Variants in TNNT2 observed in about 807,000 individuals in gnomAD.
TNNT2 encodes troponin T2, cardiac type.
In TNNT2, 34 loss-of-function variants were observed where a neutral mutation model predicts 62.4. The ratio of observed to expected loss-of-function variants is 0.54; its 90% CI spans 0.41 to 0.72. The LOEUF (loss-of-function observed/expected upper bound fraction) is 0.72, where lower values mean the gene tolerates loss of function less well. TNNT2 is among the 30% of genes least tolerant of loss of function. The pLI, the probability that TNNT2 is intolerant of heterozygous loss-of-function variation, is 0.00. For synonymous variants in TNNT2, 123 were observed against 127.2 expected (o/e 0.97, Z 0.22); for missense variants, 275 against 381.9 (o/e 0.72, Z 2.33).
At chr1:201,366,142 C>A in intron 8 of TNNT2, 1 of 1,076,164 alleles carries the variant, frequency 9.3e-7, no homozygotes, top group East Asian at 7.0e-5. Flanking sequence ...TTCATGTCCC[C>A]ATCTGCCCTC....
intron 10 of TNNT2, among the ~76,000 whole-genome samples, chr1:201,364,874 G>A (rs1208812354): frequency 2.6e-5 from 4 of 152,180 alleles, no homozygotes; most frequent in East Asian, 3.9e-4. Flanking sequence ...AAGGGCAGGG[G>A]TGGCGCAGCA....
Position 201,365,320 on chromosome 1 carries a change from C to T in TNNT2, c.295-13G>A, listed in dbSNP as rs764804961. On this transcript the variant is annotated splice_polypyrimidine_tract_variant and intron_variant, in intron 9 of 16. Transcript: ENST00000656932. ...TCCGGTGGATGTCCTGTGGGTGGAC[C>T]GCTGCGGCTCAGAGGCTGCCACTCC... The T allele has an allele frequency of 1.6e-5, 25 of 1,608,232 alleles. No homozygotes were observed. Among genetic ancestry groups the T allele is most frequent in the Middle Eastern group, 3.3e-4 (2 of 6,052 alleles).
chr1:201,359,830 G>C (rs182467876), intron 15 of TNNT2, among the ~76,000 whole-genome samples, 167 bp from the exon 16 acceptor site: 2 of 152,136 alleles, frequency 1.3e-5, no homozygotes, highest in Non-Finnish European at 1.5e-5. Context: ...GGAGGGGCCC[G>C]TGTACCACAG....
chr1:201,365,521 C>A lies in TNNT2; in HGVS notation c.294+89G>T. 6 of 1,466,630 alleles carry A rather than the reference C, an allele frequency of 4.1e-6. No individual in the cohort carries two copies. The South Asian group carries it at 6.9e-5, about 17-fold the overall frequency. 90.9% of individuals were successfully genotyped at this position (1,466,630 alleles called of 1,614,324 possible). ...TGCACCCCATCCCACCTATGCTCTA[C>A]CCCAGCCCAAGGTCACAAAATCTCT... is the stretch of plus-strand genomic sequence containing the variant. On this transcript the variant is annotated intron_variant, in intron 9 of 16. Transcript: ENST00000656932.
At chr1:201,372,945 G>A (rs1295689865) in intron 2 of TNNT2, 8 of 625,826 alleles carry the variant, frequency 1.3e-5, no homozygotes, top group South Asian at 1.1e-4. Context: ...TCTGTTCATG[G>A]CCCCTAGCCA....
intron 13 of TNNT2, 49 bp from the exon 14 acceptor site, chr1:201,362,071 G>A (rs780666657): frequency 1.9e-6 from 3 of 1,594,626 alleles, no homozygotes; most frequent in African/African-American, 2.7e-5. Flanking sequence ...CCCCCTCCCT[G>A]TCCCCTAACC....
chr1:201,367,691 G>T (rs760979471), intron 7 of TNNT2, 80 bp downstream of exon 7: 14 of 1,483,622 alleles, frequency 9.4e-6, no homozygotes, highest in African/African-American at 1.4e-5. Flanking sequence ...TCCCTGGAAA[G>T]AGCACTGTGG....
At chr1:201,361,086 C>T (rs1162716372) in intron 15 of TNNT2, 193 bp downstream of exon 15, 30 of 704,704 alleles carry the variant, frequency 4.3e-5, no homozygotes, top group Non-Finnish European at 7.5e-5. Flanking sequence ...CAGACACTTC[C>T]AGCAAGCAGT....
intron 16 of TNNT2, 81 bp downstream of exon 16, chr1:201,359,542 C>A: frequency 7.0e-7 from 1 of 1,433,902 alleles, no homozygotes. Flanking sequence ...CTGGGGCCCT[C>A]CAAGGAGGAA....
intron 4 of TNNT2, among the ~76,000 whole-genome samples, chr1:201,371,055 A>G (rs1239195370): frequency 1.3e-5 from 2 of 152,174 alleles, no homozygotes; most frequent in Non-Finnish European, 2.9e-5. Flanking sequence ...ACAGCCCTAA[A>G]TGTGCAGGAG....
In TNNT2 at chr1:201,359,163, A is replaced by G. The variant is rs1658110086; in HGVS notation, c.*47T>C. ...CGGGAACTGGGGGAGTGCAGGCCGGAGGCAGGTGCGAGCGAGGAGCAGATC... is the reference window on the plus strand; with the variant it reads ...CGGGAACTGGGGGAGTGCAGGCCGGGGGCAGGTGCGAGCGAGGAGCAGATC... On this transcript the variant is annotated 3_prime_UTR_variant, in exon 17 of 17. Transcript: ENST00000656932. 3.8e-6 allele frequency: 6 copies of G among 1,591,736 alleles called. No homozygotes were observed. The highest frequency in any genetic ancestry group is 1.8e-5 in the Admixed American group (1 of 55,650).
chr1:201,366,149 C>G, intron 8 of TNNT2: 1 of 1,066,788 alleles, frequency 9.4e-7, no homozygotes, highest in Non-Finnish European at 1.1e-6. Context: ...CCCCATCTGC[C>G]CTCAGGTGTG....
chr1:201,368,697 A>G (rs1053138677), intron 5 of TNNT2, among the ~76,000 whole-genome samples: 2 of 152,128 alleles, frequency 1.3e-5, no homozygotes, highest in Non-Finnish European at 2.9e-5. Context: ...TTCTATTTTC[A>G]TCTATTTGTT....
chr1:201,359,283 T>C (rs1415837151), intron 16 of TNNT2, 28 bp from the exon 17 acceptor site: 1 of 1,607,930 alleles, frequency 6.2e-7, no homozygotes, highest in Non-Finnish European at 8.5e-7. Context: ...CGCAGTGACA[T>C]GGAGACACAG....
intron 5 of TNNT2, 119 bp from the exon 6 acceptor site, chr1:201,368,346 ATGAATT>A: frequency 9.2e-7 from 1 of 1,084,218 alleles, no homozygotes; most frequent in Non-Finnish European, 1.4e-6. Context: ...CTAGGTCCAG[ATGAATT>A]TGGGGGCAAC....
At chr1:201,360,045 G>A (rs112422076) in intron 15 of TNNT2, among the ~76,000 whole-genome samples, 4,217 of 152,262 alleles carry the variant, frequency 0.028, 107 homozygotes, top group South Asian at 0.077. Flanking sequence ...CCACCATCCC[G>A]GAAGCTGTGC....
intron 11 of TNNT2, chr1:201,363,708 G>GCTA: frequency 2.3e-6 from 1 of 434,762 alleles, no homozygotes; most frequent in South Asian, 2.2e-5. Flanking sequence ...CAGGAAGAGA[G>GCTA]CTACGGGGCC....
At chr1:201,361,763 G>C (rs1658690658) in intron 14 of TNNT2, 150 bp downstream of exon 14, 5 of 772,922 alleles carry the variant, frequency 6.5e-6, no homozygotes, top group Non-Finnish European at 1.1e-5. Context: ...CGACCTGCTG[G>C]GGCCCAGCTC....
intron 1 of TNNT2, chr1:201,373,861 C>T (rs1661006837): frequency 5.7e-6 from 1 of 174,284 alleles, no homozygotes; most frequent in African/African-American, 2.4e-5. Flanking sequence ...GCGTGAGCCA[C>T]CACACCCATT....
Sources: gnomAD v4.1 joint callset for allele counts (sites outside exome capture counted in the v4.1 genomes callset) on GRCh38, gnomAD v4.1.1 for gene constraint, MANE v1.5 for transcripts, NCBI Gene and HGNC (gene_info 2026-07-23, HGNC 2026-07-21) for gene names.